TRAF7: variants seen among roughly 807,000 people sequenced by gnomAD.
TRAF7 encodes the protein TNF receptor associated factor 7.
TRAF7 carries 45 observed loss-of-function variants against 89.3 expected under a neutral mutation model. The observed-to-expected ratio is 0.50, with a 90% CI of 0.40 to 0.65. The LOEUF is 0.65. TRAF7 is among the 30% of genes least tolerant of loss of function. The probability of loss-of-function intolerance (pLI) is 0.00; values close to 1 mark genes in which losing one functional copy is unlikely to be tolerated. For synonymous variants in TRAF7, 406 were observed against 369.2 expected (o/e 1.10, Z -1.14); for missense variants, 677 against 918.1 (o/e 0.74, Z 3.39).
chr16:2,169,502 T>A (rs562571697), intron 4 of TRAF7, among the ~76,000 whole-genome samples: 47 of 152,008 alleles, frequency 3.1e-4, no homozygotes, highest in Admixed American at 2.6e-4. Flanking sequence ...GTACCTTCTC[T>A]GTTTGCTGAT....
chr16:2,176,321 T>C lies in TRAF7; in HGVS notation c.1935T>C (p.Ser645=), dbSNP rs1233315480. ...CTQTLLRHQG[S]VTALAVSRGR... The stretch of plus-strand genomic sequence containing the variant: ...AGACCCTGCTGCGTCACCAGGGCAG[T>C]GTCACCGCGCTGGCTGTGTCCCGGG... The change falls in exon 20 of 21, where the codon AGT becomes AGC. Residue 645 remains serine (S), a synonymous_variant. Coordinates refer to ENST00000326181, the MANE Select transcript of TRAF7 (RefSeq NM_032271.3). 6.2e-7 allele frequency: 1 copy of C among 1,604,526 alleles called. No homozygotes were observed. The highest frequency in any genetic ancestry group is 1.7e-5 in the Admixed American group (1 of 59,170).
Position 2,165,868 on chromosome 16 carries a change from C to T in TRAF7, c.82-11C>T, listed in dbSNP as rs1472894705. 1 of 1,614,094 alleles carries T rather than the reference C, an allele frequency of 6.2e-7. No homozygotes were observed. The highest frequency in any genetic ancestry group is 1.7e-5 in the Admixed American group (1 of 60,010). On this transcript the variant is annotated splice_polypyrimidine_tract_variant and intron_variant, in intron 2 of 20. Transcript: ENST00000326181. ...CGGAATGAGGCCAGGTCTCCTCCGTCCTCCCTCTAGACCAGAATGGAAACG... is the reference window on the plus strand; with the variant it reads ...CGGAATGAGGCCAGGTCTCCTCCGTTCTCCCTCTAGACCAGAATGGAAACG...
chr16:2,164,216 G>C (rs1255236743), intron 2 of TRAF7, among the ~76,000 whole-genome samples: 2 of 151,552 alleles, frequency 1.3e-5, no homozygotes, highest in African/African-American at 4.8e-5. Context: ...TGTTAGTGCT[G>C]TGTGGCGCGG....
chr16:2,174,089 C>G, intron 13 of TRAF7, 41 bp downstream of exon 13: 2 of 1,609,176 alleles, frequency 1.2e-6, no homozygotes, highest in African/African-American at 2.7e-5. Context: ...CCTGGCTGGG[C>G]TGGGCACTGC....
rs372494731 is a variant in TRAF7 at position 2,171,273 on chromosome 16, G to A, written c.358G>A (p.Val120Met). ...PEEEEEPEPL[V>M]FAEQPSVKLC... The stretch of plus-strand genomic sequence containing the variant: ...TCCCGCTTGGTTCCAGGAGCCACTG[G>A]TGTTTGCGGAGCAGCCCTCGGTGAA... The change falls in exon 6 of 21, where the codon GTG (valine) becomes ATG (methionine). Residue 120 changes from valine (V) to methionine (M), a missense_variant. By Grantham distance (21) the Val-to-Met change is conservative. This residue lies in a region of TRAF7 where 240 missense variants were observed against 191.9 expected (regional missense o/e 1.25). Coordinates refer to ENST00000326181, the MANE Select transcript of TRAF7 (RefSeq NM_032271.3). The A allele has an allele frequency of 1.2e-5, 19 of 1,549,784 alleles. No individual in the cohort carries two copies. The highest frequency in any genetic ancestry group is 1.7e-5 in the Non-Finnish European group (19 of 1,147,694).
At position 2,176,116 on chromosome 16, in the gene TRAF7, T is replaced by C. The variant is rs754012755; in HGVS notation, c.1814T>C (p.Leu605Pro). The C allele has an allele frequency of 1.9e-6, 3 of 1,611,308 alleles. No homozygotes were observed. Among genetic ancestry groups the C allele is most frequent in the African/African-American group, 1.3e-5 (1 of 75,044 alleles). The stretch of plus-strand genomic sequence containing the variant: ...GGCCACGTGGGCACCGTGTATGCCC[T>C]GGCGGTCATCTCGACGCCAGACCAG... ...LTGHVGTVYA[L>P]AVISTPDQTK... Residue 605 changes from leucine (L) to proline (P), a missense_variant, in exon 19 of 21, where the codon CTG becomes CCG. Leu to Pro is a moderately conservative substitution (Grantham distance 98, BLOSUM62 -3). This residue lies in a region of TRAF7 where 160 missense variants were observed against 263.7 expected (regional missense o/e 0.61). Transcript: ENST00000326181.
chr16:2,159,322 C>T lies in TRAF7; in HGVS notation c.-39+3464C>T, dbSNP rs533669700. Among the ~76,000 whole-genome samples the T allele has an allele frequency of 3.8e-4, 58 of 152,240 alleles. No homozygotes were observed. The highest frequency in any genetic ancestry group is 1.3e-3 in the Admixed American group (20 of 15,306). ...TCGCCGTGCTAGGAGGGAAGCGGGG[C>T]CAAGCCGGCCTCAGACCAGGGCCTG... On this transcript the variant is annotated intron_variant, in intron 1 of 20. Coordinates refer to ENST00000326181, the MANE Select transcript of TRAF7 (RefSeq NM_032271.3). This position sits in a 1 kb window ranked among gnomAD's most constrained non-coding sequence, Gnocchi z 6.5.
chr16:2,173,443 C>A (rs73498163), intron 10 of TRAF7, 38 bp from the exon 11 acceptor site: 26 of 1,612,438 alleles, frequency 1.6e-5, no homozygotes, highest in Non-Finnish European at 2.2e-5. Context: ...GCCACTGCTC[C>A]GGGCACCAGT....
At chr16:2,171,504 G>T in intron 6 of TRAF7, 68 bp from the exon 7 acceptor site, 1 of 1,607,520 alleles carries the variant, frequency 6.2e-7, no homozygotes, top group Non-Finnish European at 8.5e-7. Context: ...GCCTGTGGCT[G>T]CCATGGCCAT....
rs2093048848 is a variant in TRAF7, at chr16:2,159,473, G to T, written c.-39+3615G>T. 6.6e-6 allele frequency among the ~76,000 whole-genome samples: 1 copy of T among 152,226 alleles called. No homozygotes were observed. ...TTCTAAGGGACGTCAGGGAACAGCG[G>T]CGGAAGTGCGTGTGGCTTTGCTATG... On this transcript the variant is annotated intron_variant, in intron 1 of 20. Coordinates refer to ENST00000326181, the MANE Select transcript of TRAF7 (RefSeq NM_032271.3). This position sits in a 1 kb window ranked among gnomAD's most constrained non-coding sequence, Gnocchi z 6.5.
rs559109213 is a variant in TRAF7, at chr16:2,171,157, G to T, written c.349-107G>T. 16 of 892,962 alleles carry T rather than the reference G, an allele frequency of 1.8e-5. 1 individual carries two copies. In the South Asian group the frequency reaches 2.1e-4, roughly 12 times the overall value. The allele number at this position is 892,962 out of a possible 1,614,324, so 55.3% of individuals were successfully genotyped here. ...CAGGCCTCTCTCAGGACGTGACCCTGTCCTCAGAGGACAGCCAGGCCTGGA... is the reference window on the plus strand; with the variant it reads ...CAGGCCTCTCTCAGGACGTGACCCTTTCCTCAGAGGACAGCCAGGCCTGGA... On this transcript the variant is annotated intron_variant, in intron 5 of 20. Transcript: ENST00000326181.
chr16:2,174,167 G>T, intron 13 of TRAF7, 84 bp from the exon 14 acceptor site: 4 of 1,593,860 alleles, frequency 2.5e-6, no homozygotes, highest in Non-Finnish European at 3.4e-6. Flanking sequence ...CCCATGGGCG[G>T]GGCTCCCTCA....
rs907379799 is a variant in TRAF7, at chr16:2,163,821, C to T, written c.-38-62C>T. Reference sequence around the variant, plus strand: ...GCAGGTCTGCACACTTGCAGCAGCCCGTCTGACTCACAGGGGCCTGGGCTC... The same window carrying T: ...GCAGGTCTGCACACTTGCAGCAGCCTGTCTGACTCACAGGGGCCTGGGCTC... On this transcript the variant is annotated intron_variant, in intron 1 of 20. Coordinates refer to ENST00000326181, the MANE Select transcript of TRAF7 (RefSeq NM_032271.3). The surrounding 1 kb of genome is among the most constrained non-coding windows in gnomAD (Gnocchi z 4.3). 6 of 1,106,060 alleles carry T rather than the reference C, an allele frequency of 5.4e-6. No individual in the cohort carries two copies. The highest frequency in any genetic ancestry group is 2.0e-5 in the Admixed American group (1 of 50,596). 68.5% of individuals were successfully genotyped at this position (1,106,060 alleles called of 1,614,324 possible). A position where few individuals can be genotyped will look rare whatever the true frequency, so the allele number is the denominator to read the frequency against.
chr16:2,164,669 G>T (rs1371749529), intron 2 of TRAF7, among the ~76,000 whole-genome samples: 3 of 141,746 alleles, frequency 2.1e-5, no homozygotes, highest in Non-Finnish European at 3.1e-5. Context: ...TGAGTGCTGT[G>T]TGGCGCGGCC....
chr16:2,168,442 T>C lies in TRAF7; in HGVS notation c.231+274T>C. 1 of 414,190 alleles carries C rather than the reference T, an allele frequency of 2.4e-6. No individual in the cohort carries two copies. Among genetic ancestry groups the C allele is most frequent in the East Asian group, 4.6e-5 (1 of 21,572 alleles). The allele number at this position is 414,190 out of a possible 1,614,324, so 25.7% of individuals were successfully genotyped here. A position where few individuals can be genotyped will look rare whatever the true frequency, so the allele number is the denominator to read the frequency against. On this transcript the variant is annotated intron_variant, in intron 4 of 20. Coordinates refer to ENST00000326181, the MANE Select transcript of TRAF7 (RefSeq NM_032271.3). The surrounding 1 kb of genome is among the most constrained non-coding windows in gnomAD (Gnocchi z 4.1). ...CCAGGATGAGGCATATTTGGCTCCA[T>C]CTTAAGGGAGGTGGAAACCACAGAA...
chr16:2,156,551 T>C (rs2093035465), intron 1 of TRAF7, among the ~76,000 whole-genome samples: 1 of 152,062 alleles, frequency 6.6e-6, no homozygotes, highest in Non-Finnish European at 1.5e-5. Flanking sequence ...GCGCTACCGT[T>C]AGCCAAAGGC....
At chr16:2,166,588 G>C (rs1290475855) in intron 3 of TRAF7, among the ~76,000 whole-genome samples, 2 of 152,168 alleles carry the variant, frequency 1.3e-5, no homozygotes, top group Non-Finnish European at 2.9e-5. Context: ...GTTTGGTAGA[G>C]ATGAGGTCTC....
chr16:2,170,751 G>C, intron 5 of TRAF7, 21 bp downstream of exon 5: 2 of 1,578,182 alleles, frequency 1.3e-6, no homozygotes, highest in Non-Finnish European at 1.7e-6. Flanking sequence ...GGGACTCGGC[G>C]CAGAGCGGCT....
chr16:2,162,124 G>A lies in TRAF7; in HGVS notation c.-38-1759G>A, dbSNP rs1370817238. ...CAGGTGGGGCCAGGTAGCTCGTGGC[G>A]CTGCCAACTGCAGGGGCTGAGATGT... On this transcript the variant is annotated intron_variant, in intron 1 of 20. Transcript: ENST00000326181. This position sits in a 1 kb window ranked among gnomAD's most constrained non-coding sequence, Gnocchi z 5.0. 2.0e-5 allele frequency among the ~76,000 whole-genome samples: 3 copies of A among 152,236 alleles called. No individual in the cohort carries two copies. Among genetic ancestry groups the A allele is most frequent in the South Asian group, 2.1e-4 (1 of 4,834 alleles).
Sources: gnomAD v4.1 joint callset for allele counts (sites outside exome capture counted in the v4.1 genomes callset) on GRCh38, gnomAD v4.1.1 for gene constraint, gnomAD v4.1.1 regional missense constraint, Gnocchi (gnomAD v3.1) non-coding constraint, MANE v1.5 for transcripts, NCBI Gene and HGNC (gene_info 2026-07-23, HGNC 2026-07-21) for gene names.